The following CCDC158 variants were observed in gnomAD, a reference collection of about 807,000 sequenced individuals.
CCDC158 encodes the protein coiled-coil domain containing 158.
Under a neutral mutation model 138.6 loss-of-function variants are expected in CCDC158, and 116 were observed. The ratio of observed to expected loss-of-function variants is 0.84; its 90% CI spans 0.72 to 0.98. The LOEUF is 0.98. CCDC158 is among the 50% of genes least tolerant of loss of function. The pLI is 0.00. For synonymous variants in CCDC158, 436 were observed against 442.4 expected (o/e 0.99, Z 0.18); for missense variants, 1,265 against 1,306.1 (o/e 0.97, Z 0.48).
At position 76,313,209 on chromosome 4, in the gene CCDC158, T is replaced by C; in HGVS notation, c.3315A>G (p.Ile1105Met). 1 of 1,609,636 alleles carries C rather than the reference T, an allele frequency of 6.2e-7. No individual in the cohort carries two copies. The highest frequency in any genetic ancestry group is 8.5e-7 in the Non-Finnish European group (1 of 1,177,456). ...SSMIRNQEKRIQKVKDQEKML... is the reference protein window; with the variant it reads ...SSMIRNQEKRMQKVKDQEKML... ...TTTTTTCCTGGTCTTTTACTTTCTG[T>C]ATCCTCTTTTCTTGATTTCTGATCA... The change falls in exon 25 of 25, where the codon ATA (isoleucine) becomes ATG (methionine). Residue 1105 changes from isoleucine to methionine, a missense_variant. Physicochemically the swap from Ile to Met is conservative, Grantham distance 10. Coordinates refer to ENST00000682701, the MANE Select transcript of CCDC158 (RefSeq NM_001394954.1).
chr4:76,370,753 A>C (rs1186834733), intron 10 of CCDC158, among the ~76,000 whole-genome samples: 1 of 152,180 alleles, frequency 6.6e-6, no homozygotes, highest in African/African-American at 2.4e-5. Flanking sequence ...ATGTTAGGTA[A>C]AGAACTGAAG....
At chr4:76,393,423 T>C (rs1368835625) in intron 4 of CCDC158, among the ~76,000 whole-genome samples, 1 of 152,108 alleles carries the variant, frequency 6.6e-6, no homozygotes, top group Non-Finnish European at 1.5e-5. Flanking sequence ...GAAAACTGGA[T>C]ATCCATATGC....
At chr4:76,354,233 CAAAAAAAAAAAA>C (rs749565764) in intron 15 of CCDC158, among the ~76,000 whole-genome samples, 4 of 63,938 alleles carry the variant, frequency 6.3e-5, no homozygotes, top group African/African-American at 1.2e-4. Flanking sequence ...TTCCCAAAGG[CAAAAAAAAAAAA>C]AAAAAAAAAA....
Position 76,396,300 on chromosome 4 carries a change from T to C in CCDC158, c.257A>G (p.Gln86Arg). Residue 86 changes from glutamine to arginine, a missense_variant, in exon 4 of 25, where the codon CAA becomes CGA. Transcript: ENST00000682701. The stretch of plus-strand genomic sequence containing the variant: ...TAGTCTTCTCTGTAAATCTTTGACT[T>C]GATGTGAATATTCTTCCAAAACACG... ...FERVLEEYSH[Q>R]VKDLQRRLNE... 1 of 1,613,464 alleles carries C rather than the reference T, an allele frequency of 6.2e-7. No homozygotes were observed. Among genetic ancestry groups the C allele is most frequent in the Non-Finnish European group, 8.5e-7 (1 of 1,179,738 alleles).
At chr4:76,331,708 G>C (rs934684362) in intron 20 of CCDC158, among the ~76,000 whole-genome samples, 9 of 152,200 alleles carry the variant, frequency 5.9e-5, no homozygotes, top group Admixed American at 3.3e-4. Flanking sequence ...GAGGAGTCTG[G>C]TTTGATTAGA....
chr4:76,344,902 G>C, intron 18 of CCDC158: 1 of 1,547,168 alleles, frequency 6.5e-7, no homozygotes, highest in Non-Finnish European at 8.9e-7. Context: ...GTGTTAGGTG[G>C]AAAAATACTA....
At chr4:76,361,800 CTG>C (rs1474182911) in intron 13 of CCDC158, among the ~76,000 whole-genome samples, 2 of 152,178 alleles carry the variant, frequency 1.3e-5, no homozygotes, top group Non-Finnish European at 2.9e-5. Context: ...AAACACAAAA[CTG>C]TGCAGACAAT....
intron 4 of CCDC158, among the ~76,000 whole-genome samples, chr4:76,393,374 T>C (rs967565765): frequency 6.6e-6 from 1 of 151,828 alleles, no homozygotes; most frequent in Non-Finnish European, 1.5e-5. Flanking sequence ...CAAGAACATA[T>C]ATTAGGGAAA....
chr4:76,340,211 T>C (rs955107418), intron 18 of CCDC158, among the ~76,000 whole-genome samples: 8 of 152,254 alleles, frequency 5.3e-5, no homozygotes, highest in African/African-American at 1.9e-4. Flanking sequence ...ATTGGGATTT[T>C]TGACATGTGT....
intron 18 of CCDC158, among the ~76,000 whole-genome samples, chr4:76,339,811 AC>A (rs1721884641): frequency 6.6e-6 from 1 of 152,226 alleles, no homozygotes; most frequent in African/African-American, 2.4e-5. Context: ...CCTGAACTTA[AC>A]AATGTTTTGC....
intron 18 of CCDC158, among the ~76,000 whole-genome samples, chr4:76,346,166 G>T (rs936066903): frequency 3.3e-5 from 5 of 152,216 alleles, no homozygotes; most frequent in African/African-American, 1.2e-4. Context: ...AATAAATGGT[G>T]TTGGGAAAAC....
chr4:76,357,325 C>G (rs559285864), intron 14 of CCDC158, 49 bp downstream of exon 14: 2 of 1,330,214 alleles, frequency 1.5e-6, no homozygotes, highest in African/African-American at 3.0e-5. Context: ...CAAATTTAGT[C>G]CATTAAATTA....
intron 3 of CCDC158, chr4:76,401,274 A>G (rs1343113581): frequency 6.2e-6 from 3 of 484,688 alleles, no homozygotes; most frequent in Middle Eastern, 7.1e-4. Flanking sequence ...CCAAACACCC[A>G]TCAGACTTTC....
At chr4:76,373,886 A>G (rs533337907) in intron 9 of CCDC158, among the ~76,000 whole-genome samples, 2 of 152,312 alleles carry the variant, frequency 1.3e-5, no homozygotes, top group Admixed American at 6.5e-5. Flanking sequence ...CCTAGACTCT[A>G]TTAATCTAAT....
chr4:76,345,061 A>T, intron 18 of CCDC158: 3 of 1,337,212 alleles, frequency 2.2e-6, no homozygotes, highest in Non-Finnish European at 3.2e-6. Context: ...CTTGTGTGAA[A>T]GCTGACAAAA....
chr4:76,375,302 A>G (rs1477483926), intron 9 of CCDC158: 4 of 384,778 alleles, frequency 1.0e-5, no homozygotes, highest in Non-Finnish European at 9.2e-6. Context: ...TTCTAATCTC[A>G]CATTGATTTT....
intron 4 of CCDC158, among the ~76,000 whole-genome samples, chr4:76,387,883 C>T (rs775504015): frequency 8.7e-4 from 128 of 147,426 alleles, no homozygotes; most frequent in Non-Finnish European, 1.4e-3. Context: ...CATGGTGGCA[C>T]ATGCCTGTAG....
At chr4:76,353,360 T>G (rs1723236664) in intron 15 of CCDC158, 79 bp from the exon 16 acceptor site, 1 of 1,167,856 alleles carries the variant, frequency 8.6e-7, no homozygotes, top group Admixed American at 2.9e-5. Flanking sequence ...ATAAAATTCT[T>G]GTTTAAAGGA....
intron 4 of CCDC158, among the ~76,000 whole-genome samples, chr4:76,393,290 G>T (rs1274183985): frequency 6.6e-6 from 1 of 151,794 alleles, no homozygotes; most frequent in Non-Finnish European, 1.5e-5. Flanking sequence ...CAAACACATA[G>T]AACAATAGAA....
Sources: gnomAD v4.1 joint callset for allele counts (sites outside exome capture counted in the v4.1 genomes callset) on GRCh38, gnomAD v4.1.1 for gene constraint, MANE v1.5 for transcripts, NCBI Gene and HGNC (gene_info 2026-07-23, HGNC 2026-07-21) for gene names.